The following EPHA6 variants were observed in gnomAD, a reference collection of about 807,000 sequenced individuals.
EPHA6 encodes ephrin type-A receptor 6.
In EPHA6, 50 loss-of-function variants were observed where a neutral mutation model predicts 112.0. That is an observed-to-expected ratio of 0.45 (90% CI 0.36 to 0.56). EPHA6 has a LOEUF of 0.56. Among genes scored for constraint, EPHA6 ranks in the 20% least tolerant of loss-of-function variants. The pLI is 0.00. For synonymous variants in EPHA6, 529 were observed against 490.7 expected, an observed-to-expected ratio of 1.08 and a Z score of -1.03; for missense variants, 1,280 against 1,417.4, an observed-to-expected ratio of 0.90 and a Z score of 1.56.
At chr3:96,950,732 C>T (rs1479262619) in intron 2 of EPHA6, among the ~76,000 whole-genome samples, 3 of 152,074 alleles carry the variant, frequency 2.0e-5, no homozygotes, top group African/African-American at 7.2e-5. Flanking sequence ...CCAAGTTCAA[C>T]TTCATCCACT....
chr3:97,709,823 T>C (rs928365414), intron 14 of EPHA6, among the ~76,000 whole-genome samples: 4 of 152,128 alleles, frequency 2.6e-5, no homozygotes, highest in African/African-American at 9.7e-5. Context: ...TGGCAGATGC[T>C]CCCTCACTCT....
chr3:97,464,258 G>C (rs1018721061), intron 7 of EPHA6, among the ~76,000 whole-genome samples: 1 of 152,076 alleles, frequency 6.6e-6, no homozygotes, highest in Non-Finnish European at 1.5e-5. Flanking sequence ...CTGGGTGCCA[G>C]AGACAGGGAG....
chr3:97,750,773 C>CA lies in EPHA6; in HGVS notation c.*2076dup, dbSNP rs1237203690. ...TACCACAGCTTAATCCTTCTCATTT[C>CA]AAAACAAATGTGTAAAGCAAAGCTA... On this transcript the variant is annotated 3_prime_UTR_variant, in exon 18 of 18. Coordinates refer to ENST00000389672, the MANE Select transcript of EPHA6 (RefSeq NM_001080448.3). Among the ~76,000 whole-genome samples, 1 of 152,042 alleles carries CA rather than the reference C, an allele frequency of 6.6e-6. No individual in the cohort carries two copies. Among genetic ancestry groups the CA allele is most frequent in the African/African-American group, 2.4e-5 (1 of 41,418 alleles).
intron 3 of EPHA6, among the ~76,000 whole-genome samples, chr3:97,021,298 A>G (rs2044450232): frequency 6.6e-6 from 1 of 152,014 alleles, no homozygotes; most frequent in Non-Finnish European, 1.5e-5. Context: ...ATAATATCCA[A>G]ACTCAGGGTC....
At chr3:96,879,034 A>C (rs1167798407) in intron 2 of EPHA6, among the ~76,000 whole-genome samples, 1 of 152,070 alleles carries the variant, frequency 6.6e-6, no homozygotes, top group Non-Finnish European at 1.5e-5. Flanking sequence ...AACACTTAAT[A>C]TGGTGTCCAC....
rs915636062 is a variant in EPHA6, at chr3:97,321,934, A to G, written c.1606+77647A>G. On this transcript the variant is annotated intron_variant, in intron 5 of 17. Coordinates refer to ENST00000389672, the MANE Select transcript of EPHA6 (RefSeq NM_001080448.3). Reference sequence around the variant, plus strand: ...ATGTTATTAAGAATGTTAAGACAACAGCAAACTTTAAGTGCAAGGCACTTC... The same window carrying G: ...ATGTTATTAAGAATGTTAAGACAACGGCAAACTTTAAGTGCAAGGCACTTC... Among the ~76,000 whole-genome samples the G allele has an allele frequency of 9.9e-5, 15 of 152,190 alleles. 1 individual carries two copies. The South Asian group carries it at 2.3e-3, about 23-fold the overall frequency.
At position 97,637,821 on chromosome 3, in the gene EPHA6, G is replaced by A. The variant is rs190330114; in HGVS notation, c.2575-52G>A. 146 of 1,325,978 alleles carry A rather than the reference G, an allele frequency of 1.1e-4. No homozygotes were observed. In the African/African-American group the frequency reaches 1.6e-3, roughly 14 times the overall value. 82.1% of individuals were successfully genotyped at this position (1,325,978 alleles called of 1,614,324 possible). A position where few individuals can be genotyped will look rare whatever the true frequency, so the allele number is the denominator to read the frequency against. ...TAAGGATCTTATTTAATACACACAC[G>A]CACACACTGCATTAAAATAAATCAA... On this transcript the variant is annotated intron_variant, in intron 13 of 17. Transcript: ENST00000389672.
At chr3:97,088,140 C>T (rs2046958650) in intron 3 of EPHA6, among the ~76,000 whole-genome samples, 1 of 152,002 alleles carries the variant, frequency 6.6e-6, no homozygotes, top group Non-Finnish European at 1.5e-5. Flanking sequence ...GAGATCGTGC[C>T]ACTACACTCC....
intron 6 of EPHA6, among the ~76,000 whole-genome samples, chr3:97,437,310 A>G (rs2089902231): frequency 6.6e-6 from 1 of 152,160 alleles, no homozygotes; most frequent in Non-Finnish European, 1.5e-5. Flanking sequence ...TCCGCATCCC[A>G]AAATTAGATA....
chr3:97,201,942 C>T (rs2077587507), intron 3 of EPHA6, among the ~76,000 whole-genome samples: 1 of 152,060 alleles, frequency 6.6e-6, no homozygotes, highest in Non-Finnish European at 1.5e-5. Flanking sequence ...TTTGATTGCT[C>T]ATCGTTGGCA....
At chr3:96,869,944 T>C (rs745528225) in intron 2 of EPHA6, among the ~76,000 whole-genome samples, 1 of 152,060 alleles carries the variant, frequency 6.6e-6, no homozygotes, top group Non-Finnish European at 1.5e-5. Context: ...TTATAGATAA[T>C]TTTTGTGTGC....
chr3:97,405,813 T>C (rs536701332), intron 6 of EPHA6, among the ~76,000 whole-genome samples: 28 of 152,276 alleles, frequency 1.8e-4, no homozygotes, highest in African/African-American at 6.5e-4. Context: ...ATAAATTCAG[T>C]TGACAAATCC....
intron 14 of EPHA6, among the ~76,000 whole-genome samples, chr3:97,674,447 C>A (rs557375442): frequency 6.6e-6 from 1 of 152,252 alleles, no homozygotes; most frequent in African/African-American, 2.4e-5. Flanking sequence ...GGAAATAGGA[C>A]AATTTACCTA....
chr3:96,932,487 T>C (rs911363546), intron 2 of EPHA6, among the ~76,000 whole-genome samples: 28 of 152,246 alleles, frequency 1.8e-4, no homozygotes, highest in African/African-American at 6.3e-4. Context: ...ATTTAACATA[T>C]ATTCACATTA....
chr3:96,824,001 G>C (rs1038492032), intron 1 of EPHA6, among the ~76,000 whole-genome samples: 2 of 151,650 alleles, frequency 1.3e-5, no homozygotes, highest in African/African-American at 4.8e-5. Flanking sequence ...GGTACTTATA[G>C]TATGATAACT....
chr3:96,907,893 A>T (rs1233676172), intron 2 of EPHA6, among the ~76,000 whole-genome samples: 1 of 151,920 alleles, frequency 6.6e-6, no homozygotes, highest in East Asian at 1.9e-4. Context: ...ATAAACATTC[A>T]TGCATTGCTT....
At chr3:96,866,744 TTTA>T (rs908819166) in intron 1 of EPHA6, 78 bp from the exon 2 acceptor site, 2 of 763,578 alleles carry the variant, frequency 2.6e-6, no homozygotes, top group Non-Finnish European at 4.0e-6. Flanking sequence ...ATTAATGATT[TTTA>T]TTATAACTTT....
chr3:97,313,360 A>G (rs2081649196), intron 5 of EPHA6, among the ~76,000 whole-genome samples: 1 of 151,582 alleles, frequency 6.6e-6, no homozygotes, highest in African/African-American at 2.4e-5. Flanking sequence ...ATGGGAGTGC[A>G]GACACCTCTT....
intron 6 of EPHA6, chr3:97,439,677 GT>G (rs766508185): frequency 3.1e-6 from 3 of 973,364 alleles, no homozygotes; most frequent in Admixed American, 1.2e-4. Context: ...CTTCAGTGAT[GT>G]TTCTTTGTCA....
Sources: gnomAD v4.1 joint callset for allele counts (sites outside exome capture counted in the v4.1 genomes callset) on GRCh38, gnomAD v4.1.1 for gene constraint, MANE v1.5 for transcripts, NCBI Gene and HGNC (gene_info 2026-07-23, HGNC 2026-07-21) for gene names.